Variants in ULK4 observed in about 807,000 individuals in gnomAD.
The protein encoded by ULK4 is unc-51 like kinase 4.
A neutral mutation model predicts 160.6 loss-of-function variants in ULK4; 133 were observed. The observed-to-expected ratio is 0.83, with a 90% CI of 0.72 to 0.96. ULK4 has a LOEUF of 0.96. Among genes scored for constraint, ULK4 ranks in the 40% least tolerant of loss-of-function variants. The probability of loss-of-function intolerance (pLI) is 0.00; values close to 1 mark genes in which losing one functional copy is unlikely to be tolerated. For synonymous variants in ULK4, 534 were observed against 539.8 expected (o/e 0.99, Z 0.15); for missense variants, 1,580 against 1,499.5 (o/e 1.05, Z -0.89).
At chr3:41,470,048 A>T (rs796221962) in intron 32 of ULK4, among the ~76,000 whole-genome samples, 2,210 of 112,472 alleles carry the variant, frequency 0.02, 106 homozygotes, top group African/African-American at 0.076. Flanking sequence ...AAAAAAAAAC[A>T]AAGTATTTTT....
At chr3:41,896,373 G>A (rs1698157492) in intron 15 of ULK4, among the ~76,000 whole-genome samples, 1 of 152,078 alleles carries the variant, frequency 6.6e-6, no homozygotes, top group African/African-American at 2.4e-5. Context: ...TCCTGCCTCA[G>A]CCTCCCAAGT....
chr3:41,441,391 T>C (rs893375173), intron 34 of ULK4, among the ~76,000 whole-genome samples: 1 of 152,100 alleles, frequency 6.6e-6, no homozygotes, highest in Non-Finnish European at 1.5e-5. Flanking sequence ...CGATTTTTAA[T>C]TTGACCCATG....
intron 32 of ULK4, among the ~76,000 whole-genome samples, chr3:41,563,264 G>A (rs527643661): frequency 3.9e-5 from 6 of 152,228 alleles, no homozygotes; most frequent in South Asian, 2.1e-4. Flanking sequence ...TGGGTAACCC[G>A]ACCTTTCTCT....
chr3:41,845,002 G>A (rs2042033454), intron 17 of ULK4, among the ~76,000 whole-genome samples: 1 of 148,554 alleles, frequency 6.7e-6, no homozygotes, highest in South Asian at 2.1e-4. Context: ...GTCTCGCCCT[G>A]TTGCCCAGGC....
intron 22 of ULK4, among the ~76,000 whole-genome samples, chr3:41,752,695 G>A (rs2038672583): frequency 6.6e-6 from 1 of 152,110 alleles, no homozygotes; most frequent in South Asian, 2.1e-4. Context: ...ATCTATCTGT[G>A]TGAAGACATT....
At chr3:41,870,931 G>C (rs1004193040) in intron 17 of ULK4, among the ~76,000 whole-genome samples, 20 of 152,166 alleles carry the variant, frequency 1.3e-4, no homozygotes, top group Admixed American at 5.9e-4. Flanking sequence ...AATCATGGGG[G>C]TGGTTTCCCT....
intron 32 of ULK4, among the ~76,000 whole-genome samples, chr3:41,561,970 T>A (rs908685117): frequency 1.3e-5 from 2 of 152,214 alleles, no homozygotes; most frequent in Non-Finnish European, 2.9e-5. Context: ...AGATTTTAGA[T>A]CTTTTCTGCT....
At chr3:41,525,190 C>T (rs2086070857) in intron 32 of ULK4, among the ~76,000 whole-genome samples, 1 of 152,108 alleles carries the variant, frequency 6.6e-6, no homozygotes, top group East Asian at 1.9e-4. Flanking sequence ...GAGGCATTAA[C>T]TCTCTCATAT....
chr3:41,552,972 CA>C (rs1267362514), intron 32 of ULK4, among the ~76,000 whole-genome samples: 3 of 151,876 alleles, frequency 2.0e-5, no homozygotes, highest in African/African-American at 7.2e-5. Flanking sequence ...AACTGATTTT[CA>C]ACAATGATGC....
intron 22 of ULK4, among the ~76,000 whole-genome samples, chr3:41,720,314 T>C (rs1468797412): frequency 2.6e-5 from 4 of 152,310 alleles, no homozygotes; most frequent in South Asian, 2.1e-4. Context: ...TAAAGTTCTA[T>C]CTAGTTCTCT....
chr3:41,584,771 C>T (rs1446469424), intron 31 of ULK4, among the ~76,000 whole-genome samples: 1 of 152,108 alleles, frequency 6.6e-6, no homozygotes, highest in Non-Finnish European at 1.5e-5. Context: ...TCAAGATATA[C>T]ATAATGTCAA....
intron 30 of ULK4, among the ~76,000 whole-genome samples, chr3:41,658,132 T>C (rs960178433): frequency 6.6e-6 from 1 of 152,192 alleles, no homozygotes; most frequent in African/African-American, 2.4e-5. Flanking sequence ...TATACACTAA[T>C]TTGATAAAGG....
At chr3:41,279,358 G>A (rs1035321931) in intron 35 of ULK4, among the ~76,000 whole-genome samples, 2 of 151,742 alleles carry the variant, frequency 1.3e-5, no homozygotes, top group African/African-American at 4.9e-5. Flanking sequence ...AAAATGACGG[G>A]GAGAATGGGA....
At chr3:41,439,287 G>C (rs1198404615) in intron 34 of ULK4, among the ~76,000 whole-genome samples, 1 of 152,212 alleles carries the variant, frequency 6.6e-6, no homozygotes, top group South Asian at 2.1e-4. Flanking sequence ...TGGATTTGGG[G>C]ACCCAGGGCA....
At chr3:41,470,035 A>AAAAC (rs2083943017) in intron 32 of ULK4, among the ~76,000 whole-genome samples, 1 of 148,680 alleles carries the variant, frequency 6.7e-6, no homozygotes. Context: ...AAAAAAAAAA[A>AAAAC]AAAAAAAAAA....
At chr3:41,913,414 A>G (rs1416097300) in intron 8 of ULK4, among the ~76,000 whole-genome samples, 1 of 151,874 alleles carries the variant, frequency 6.6e-6, no homozygotes, top group Non-Finnish European at 1.5e-5. Context: ...TTTAGTAGAG[A>G]CGGGATTTCA....
chr3:41,486,738 T>C (rs936769762), intron 32 of ULK4, among the ~76,000 whole-genome samples: 10 of 152,090 alleles, frequency 6.6e-5, no homozygotes, highest in Admixed American at 2.6e-4. Flanking sequence ...TCTGCAGAGG[T>C]TGTGGTTTGG....
intron 17 of ULK4, chr3:41,882,132 T>C: frequency 1.4e-6 from 1 of 695,892 alleles, no homozygotes; most frequent in Non-Finnish European, 2.6e-6. Context: ...TTCCAGGCAC[T>C]GCCACACGGA....
chr3:41,716,007 A>G (rs943287885), intron 23 of ULK4, among the ~76,000 whole-genome samples: 1 of 151,588 alleles, frequency 6.6e-6, no homozygotes, highest in Non-Finnish European at 1.5e-5. Context: ...AGGTCAGGAG[A>G]TCGAGACCAT....
Sources: allele counts gnomAD v4.1 joint callset (sites outside exome capture counted in the v4.1 genomes callset), GRCh38; gene constraint gnomAD v4.1.1; transcripts MANE v1.5; gene names NCBI Gene and HGNC (gene_info 2026-07-23, HGNC 2026-07-21).